Variants in PPP1R10 observed in about 807,000 individuals in gnomAD.
PPP1R10 encodes protein phosphatase 1 regulatory subunit 10, also known as serine/threonine-protein phosphatase 1 regulatory subunit 10.
A neutral mutation model predicts 99.0 loss-of-function variants in PPP1R10; 15 were observed. The observed-to-expected ratio is 0.15, with a 90% confidence interval of 0.10 to 0.23. The LOEUF (loss-of-function observed/expected upper bound fraction) is 0.23, where lower values mean the gene tolerates loss of function less well. Among genes scored for constraint, PPP1R10 ranks in the 10% least tolerant of loss-of-function variants. PPP1R10 has a pLI of 1.00. For missense variants in PPP1R10, 947 were observed against 1,259.4 expected (o/e 0.75, Z 3.75); for synonymous variants, 430 against 449.5 (o/e 0.96, Z 0.55).
rs565456590 is a variant in PPP1R10, at chr6:30,602,430, C to T, written c.2219G>A (p.Gly740Asp). The T allele has an allele frequency of 6.2e-7, 1 of 1,606,946 alleles. No homozygotes were observed. Among genetic ancestry groups the T allele is most frequent in the East Asian group, 2.2e-5 (1 of 44,682 alleles). Residue 740 changes from glycine (G) to aspartate (D), a missense_variant, in exon 19 of 20, where the codon GGC becomes GAC. By Grantham distance (94) the Gly-to-Asp change is moderately conservative. Coordinates refer to ENST00000376511, the MANE Select transcript of PPP1R10 (RefSeq NM_002714.4). The surrounding 1 kb of genome is among the most constrained non-coding windows in gnomAD (Gnocchi z 6.7). ...SGGGPPNGRG[G>D]PGGGMVGGGG... The stretch of plus-strand genomic sequence containing the variant: ...ACCTCCAACCATGCCCCCACCAGGG[C>T]CCCCTCGTCCATTTGGGGGTCCTCC...
chr6:30,602,797 A>G lies in PPP1R10; in HGVS notation c.1957+49T>C. The G allele has an allele frequency of 6.5e-7, 1 of 1,546,254 alleles. No individual in the cohort carries two copies. The highest frequency in any genetic ancestry group is 8.8e-7 in the Non-Finnish European group (1 of 1,139,744). ...CCAGTCAATCCTATACTATTATCAG[A>G]CTGAAATTAAGCAGATAAGCCCATT... On this transcript the variant is annotated intron_variant, in intron 18 of 19. Coordinates refer to ENST00000376511, the MANE Select transcript of PPP1R10 (RefSeq NM_002714.4). The surrounding 1 kb of genome is among the most constrained non-coding windows in gnomAD (Gnocchi z 6.7).
rs1397120051 is a variant in PPP1R10 at position 30,603,673 on chromosome 6, GAA to G, written c.1573-9_1573-8del. 7.0e-6 allele frequency: 11 copies of G among 1,572,798 alleles called. No individual in the cohort carries two copies. The highest frequency in any genetic ancestry group is 6.9e-6 in the Non-Finnish European group (8 of 1,162,720). ...TCTCATCCATGGAACACTCCTGAAA[GAA>G]GAACAAAAAAAATCAGGATTGACAG... On this transcript the variant is annotated splice_polypyrimidine_tract_variant and splice_region_variant and intron_variant, in intron 15 of 19. Transcript: ENST00000376511.
Position 30,609,281 on chromosome 6 carries a change from G to T in PPP1R10, c.108-118C>A. ...TGACTTGGGACTTTGCTCCAGAGAAGGGGAGTCACATATACCTCTAGGAAG... is the reference window on the plus strand; with the variant it reads ...TGACTTGGGACTTTGCTCCAGAGAATGGGAGTCACATATACCTCTAGGAAG... On this transcript the variant is annotated intron_variant, in intron 3 of 19. Transcript: ENST00000376511. The surrounding 1 kb of genome is among the most constrained non-coding windows in gnomAD (Gnocchi z 4.5). 1.1e-6 allele frequency: 1 copy of T among 874,750 alleles called. No individual in the cohort carries two copies. 54.2% of individuals were successfully genotyped at this position (874,750 alleles called of 1,614,324 possible). A position where few individuals can be genotyped will look rare whatever the true frequency, so the allele number is the denominator to read the frequency against.
chr6:30,607,994 T>A (rs1288592650), intron 5 of PPP1R10, 103 bp from the exon 6 acceptor site: 21 of 1,237,134 alleles, frequency 1.7e-5, no homozygotes, highest in South Asian at 1.2e-4. Flanking sequence ...TTTTTTTTTT[T>A]TTTTTATTTT....
At position 30,610,529 on chromosome 6, in the gene PPP1R10, CA is replaced by C. The variant is rs552977489; in HGVS notation, c.-11-575del. ...AGCTGAAGTGGTAGATGATGGAGAACAAAACAAAACTTGAAAACAGAATCCC... is the reference window on the plus strand; with the variant it reads ...AGCTGAAGTGGTAGATGATGGAGAACAAACAAAACTTGAAAACAGAATCCC... On this transcript the variant is annotated intron_variant, in intron 2 of 19. Transcript: ENST00000376511. Among the ~76,000 whole-genome samples, 286 of 152,214 alleles carry C rather than the reference CA, an allele frequency of 1.9e-3. 2 individuals are homozygous for C. Among genetic ancestry groups the C allele is most frequent in the Admixed American group, 5.8e-3 (89 of 15,294 alleles).
chr6:30,615,911 A>C (rs907096294), intron 2 of PPP1R10, among the ~76,000 whole-genome samples: 2 of 152,232 alleles, frequency 1.3e-5, no homozygotes, highest in Non-Finnish European at 2.9e-5. Context: ...AATTACATTA[A>C]AATTGAGAGG....
rs773737607 is a variant in PPP1R10, at chr6:30,606,538, T to G, written c.564A>C (p.Pro188=). The stretch of plus-strand genomic sequence containing the variant: ...ACTTGGGCTTCTCCCTCTTCTTCTC[T>G]GGGGCCTCCTCAGCCCGGGTCTCAG... The part of the protein sequence containing the change: ...VKAETRAEEA[P]EKKREKPKSL... Residue 188 remains proline (P), a synonymous_variant, in exon 8 of 20, where the codon CCA becomes CCC. Transcript: ENST00000376511. The surrounding 1 kb of genome is among the most constrained non-coding windows in gnomAD (Gnocchi z 6.3). The G allele has an allele frequency of 1.2e-6, 2 of 1,614,130 alleles. No homozygotes were observed. Among genetic ancestry groups the G allele is most frequent in the South Asian group, 1.1e-5 (1 of 91,074 alleles).
intron 2 of PPP1R10, among the ~76,000 whole-genome samples, chr6:30,611,703 T>C (rs1395134353): frequency 6.6e-6 from 1 of 151,880 alleles, no homozygotes; most frequent in African/African-American, 2.4e-5. Flanking sequence ...CCAGGAAGGG[T>C]AGGAGTATAA....
chr6:30,602,165 T>C lies in PPP1R10; in HGVS notation c.2484A>G (p.Gly828=), dbSNP rs765296560. Residue 828 remains glycine, a synonymous_variant, in exon 19 of 20, where the codon GGA becomes GGG. Coordinates refer to ENST00000376511, the MANE Select transcript of PPP1R10 (RefSeq NM_002714.4). The surrounding 1 kb of genome is among the most constrained non-coding windows in gnomAD (Gnocchi z 6.7). The stretch of plus-strand genomic sequence containing the variant: ...CGCCAGGGCCTTCGTGGGGGCGATG[T>C]CCACCACCGGCACCCATTCCTCCGC... ...GPGGGMGAGG[G]HRPHEGPGGS... The C allele has an allele frequency of 3.7e-6, 6 of 1,607,318 alleles. No individual in the cohort carries two copies. Among genetic ancestry groups the C allele is most frequent in the Non-Finnish European group, 5.1e-6 (6 of 1,177,812 alleles).
chr6:30,615,541 A>G (rs968014431), intron 2 of PPP1R10, among the ~76,000 whole-genome samples: 1 of 152,218 alleles, frequency 6.6e-6, no homozygotes, highest in Non-Finnish European at 1.5e-5. Flanking sequence ...AAGGACAAGG[A>G]AAGTCGCCAT....
chr6:30,616,193 G>A (rs1760511497), intron 2 of PPP1R10, among the ~76,000 whole-genome samples: 1 of 152,152 alleles, frequency 6.6e-6, no homozygotes. Flanking sequence ...TCTGGAAATT[G>A]GCTGGATTAC....
rs763337575 is a variant in PPP1R10 at position 30,606,772 on chromosome 6, A to G, written c.460+7T>C. On this transcript the variant is annotated splice_region_variant and intron_variant, in intron 7 of 19. Transcript: ENST00000376511. This position sits in a 1 kb window ranked among gnomAD's most constrained non-coding sequence, Gnocchi z 6.3. ...AAATACAAAGGATAAAGGACTAAGG[A>G]GCTTACCAGCAGGCTGGGTACTGCT... The G allele has an allele frequency of 1.1e-5, 17 of 1,613,804 alleles. No individual in the cohort carries two copies. Among genetic ancestry groups the G allele is most frequent in the African/African-American group, 1.3e-5 (1 of 75,052 alleles).
At chr6:30,615,828 T>G (rs1760445278) in intron 2 of PPP1R10, among the ~76,000 whole-genome samples, 1 of 152,166 alleles carries the variant, frequency 6.6e-6, no homozygotes. Flanking sequence ...AAGATTATAT[T>G]TTGTCCTAAG....
chr6:30,606,717 C>T lies in PPP1R10; in HGVS notation c.460+62G>A, dbSNP rs1232469897. 1 of 1,610,158 alleles carries T rather than the reference C, an allele frequency of 6.2e-7. No individual in the cohort carries two copies. The highest frequency in any genetic ancestry group is 1.3e-5 in the African/African-American group (1 of 74,774). ...CAGAGGTGAAGCAGACTGGGAGCAC[C>T]TAAAGGCCACATCCCAATAGGAAAG... On this transcript the variant is annotated intron_variant, in intron 7 of 19. Coordinates refer to ENST00000376511, the MANE Select transcript of PPP1R10 (RefSeq NM_002714.4). The surrounding 1 kb of genome is among the most constrained non-coding windows in gnomAD (Gnocchi z 6.3).
Position 30,617,237 on chromosome 6 carries a change from C to G in PPP1R10, c.-546G>C, listed in dbSNP as rs568036097. The G allele has an allele frequency of 6.5e-6, 1 of 153,768 alleles. No homozygotes were observed. 9.5% of individuals were successfully genotyped at this position (153,768 alleles called of 1,614,324 possible). A position where few individuals can be genotyped will look rare whatever the true frequency, so the allele number is the denominator to read the frequency against. On this transcript the variant is annotated 5_prime_UTR_variant, in exon 1 of 20. Coordinates refer to ENST00000376511, the MANE Select transcript of PPP1R10 (RefSeq NM_002714.4). ...AGGCAAACTTACCTCTAAACGAACC[C>G]CAGAATGGCGGCCGCCCGCTCGGGT...
rs6902121 is a variant in PPP1R10, at chr6:30,610,213, C to G, written c.-11-258G>C. Among the ~76,000 whole-genome samples, 1,426 of 152,276 alleles carry G rather than the reference C, an allele frequency of 9.4e-3. 7 individuals are homozygous for G. The highest frequency in any genetic ancestry group is 0.034 in the Middle Eastern group (10 of 294). Reference sequence around the variant, plus strand: ...TCGATTGGAGGAGTAGGGCAGCACACCTGTCCCTCCCTCCCAGCAGCATCC... The same window carrying G: ...TCGATTGGAGGAGTAGGGCAGCACAGCTGTCCCTCCCTCCCAGCAGCATCC... On this transcript the variant is annotated intron_variant, in intron 2 of 19. Coordinates refer to ENST00000376511, the MANE Select transcript of PPP1R10 (RefSeq NM_002714.4).
In PPP1R10 at chr6:30,604,350, T is replaced by C. The variant is rs1241992140; in HGVS notation, c.1261+3A>G. On this transcript the variant is annotated splice_donor_region_variant and intron_variant, in intron 13 of 19. Transcript: ENST00000376511. This position sits in a 1 kb window ranked among gnomAD's most constrained non-coding sequence, Gnocchi z 7.3. ...ACCTATTACGTAGGAAATGACCTCT[T>C]ACCTCGTTCAGTTTCATCCAATTCA... 1.2e-6 allele frequency: 2 copies of C among 1,614,194 alleles called. No homozygotes were observed. Among genetic ancestry groups the C allele is most frequent in the Non-Finnish European group, 1.7e-6 (2 of 1,180,026 alleles).
chr6:30,605,489 A>C (rs528913372), intron 10 of PPP1R10, among the ~76,000 whole-genome samples: 83 of 152,290 alleles, frequency 5.5e-4, no homozygotes, highest in Middle Eastern at 3.4e-3. Flanking sequence ...GGATACCAAG[A>C]AATCAAAGGA....
In PPP1R10 at chr6:30,603,596, C is replaced by A. The variant is rs747405399; in HGVS notation, c.1643G>T (p.Gly548Val). 1 of 1,614,036 alleles carries A rather than the reference C, an allele frequency of 6.2e-7. No individual in the cohort carries two copies. Among genetic ancestry groups the A allele is most frequent in the Non-Finnish European group, 8.5e-7 (1 of 1,179,984 alleles). Residue 548 changes from glycine to valine, a missense_variant, in exon 16 of 20, where the codon GGG (glycine) becomes GTG (valine). Transcript: ENST00000376511. ...EPGGSGGSPD[G>V]AGGSKLPPVL... ...TGGAGGCAACTTGGAGCCTCCTGCC[C>A]CATCAGGTGAGCCACCTGACCCCCC...
Sources: allele counts gnomAD v4.1 joint callset (sites outside exome capture counted in the v4.1 genomes callset), GRCh38; gene constraint gnomAD v4.1.1; non-coding constraint Gnocchi (gnomAD v3.1); transcripts MANE v1.5; gene names NCBI Gene and HGNC (gene_info 2026-07-23, HGNC 2026-07-21).